Variants in PHF8 observed in about 807,000 individuals in gnomAD.
PHF8 encodes the protein histone lysine demethylase PHF8.
PHF8 carries 9 observed loss-of-function variants against 74.4 expected under a neutral mutation model. The ratio of observed to expected loss-of-function variants is 0.12; its 90% CI spans 0.07 to 0.21. PHF8 has a LOEUF of 0.21. PHF8 is among the 10% of genes least tolerant of loss of function. The pLI, the probability that PHF8 is intolerant of heterozygous loss-of-function variation, is 1.00. For synonymous variants in PHF8, 311 were observed against 316.6 expected, an observed-to-expected ratio of 0.98 and a Z score of 0.19; for missense variants, 478 against 816.6, an observed-to-expected ratio of 0.59 and a Z score of 5.05.
chrX:53,938,059 T>C lies in PHF8; in HGVS notation c.*1099A>G, dbSNP rs1557082302. 8.6e-7 allele frequency: 1 copy of C among 1,164,194 alleles called. No homozygotes were observed. ...ATTCTGCTTGAACGATGACCTGTCG[T>C]CTGGAAGTGCAAAGGCCCAGGAGTG... On this transcript the variant is annotated 3_prime_UTR_variant, in exon 22 of 22. Coordinates refer to ENST00000338154, the MANE Select transcript of PHF8 (RefSeq NM_015107.3).
intron 8 of PHF8, among the ~76,000 whole-genome samples, chrX:54,004,415 AAAAC>A (rs1371753036): frequency 9.0e-6 from 1 of 111,644 alleles, no homozygotes; most frequent in Non-Finnish European, 1.9e-5. Flanking sequence ...ATTGAAGAGA[AAAAC>A]AGACTTGTAA....
At chrX:54,017,997 C>T (rs140576659) in intron 4 of PHF8, among the ~76,000 whole-genome samples, 176 bp from the exon 5 acceptor site, 6,151 of 111,350 alleles carry the variant, frequency 0.055, 219 homozygotes, top group African/African-American at 0.12. Context: ...GGCAAGAGAC[C>T]AGGTCACTGG....
intron 19 of PHF8, among the ~76,000 whole-genome samples, chrX:53,957,781 C>A (rs1277448947): frequency 4.5e-5 from 5 of 111,622 alleles, no homozygotes; most frequent in Non-Finnish European, 9.4e-5. Flanking sequence ...CAGCACTCAG[C>A]ATGCCTGTCC....
At chrX:53,998,685 C>T (rs1479419762) in intron 11 of PHF8, among the ~76,000 whole-genome samples, 1 of 111,175 alleles carries the variant, frequency 9.0e-6, no homozygotes, top group Non-Finnish European at 1.9e-5. Context: ...GCACACTATA[C>T]ACACGGTTGT....
At chrX:54,022,961 T>A in intron 2 of PHF8, 118 bp from the exon 3 acceptor site, 1 of 485,671 alleles carries the variant, frequency 2.1e-6, no homozygotes, top group Non-Finnish European at 3.6e-6. Context: ...TTAAATCCAT[T>A]AAAATTAAAT....
At position 54,014,414 on chromosome X, in the gene PHF8, T is replaced by A; in HGVS notation, c.746A>T (p.Asp249Val). Reference protein sequence around the residue: ...VRDSYTDFHIDFGGTSVWYHV... With the variant: ...VRDSYTDFHIVFGGTSVWYHV... ...GTACCAGACAGAGGTGCCACCAAAG[T>A]CAATGTGAAAGTCTGTATAGCTATC... The change falls in exon 7 of 22, where the codon GAC (aspartate) becomes GTC (valine). Residue 249 changes from aspartate (D) to valine (V), a missense_variant. By Grantham distance (152) the Asp-to-Val change is radical (BLOSUM62 -3). Coordinates refer to ENST00000338154, the MANE Select transcript of PHF8 (RefSeq NM_015107.3). The A allele has an allele frequency of 8.3e-7, 1 of 1,209,559 alleles. No individual in the cohort carries two copies. The highest frequency in any genetic ancestry group is 1.1e-6 in the Non-Finnish European group (1 of 893,786).
rs782398848 is a variant in PHF8, at chrX:53,985,941, A to G, written c.2004T>C (p.Tyr668=). The part of the protein sequence containing the change: ...GEVEFDIEED[Y]TTDEDMVEGV... ...CTTCCACCATGTCCTCATCTGTTGT[A>G]TAGTCCTCCTGTTGGAGAGAGAGTG... The change falls in exon 17 of 22, where the codon TAT becomes TAC. Residue 668 remains tyrosine, a synonymous_variant. Transcript: ENST00000338154. The G allele has an allele frequency of 3.3e-6, 4 of 1,210,222 alleles. No individual in the cohort carries two copies. In the South Asian group the frequency reaches 7.0e-5, roughly 21 times the overall value.
intron 5 of PHF8, among the ~76,000 whole-genome samples, chrX:54,017,113 C>T (rs781952811): frequency 1.8e-5 from 2 of 112,709 alleles, no homozygotes; most frequent in African/African-American, 6.4e-5. Context: ...CTAGAACTTC[C>T]CAGGTAAAAA....
rs782278302 is a variant in PHF8 at position 54,022,359 on chromosome X, G to A, written c.193C>T (p.Arg65Cys). Residue 65 changes from arginine (R) to cysteine (C), a missense_variant, in exon 4 of 22, where the codon CGC becomes TGC. Physicochemically the swap from Arg to Cys is radical, Grantham distance 180 (BLOSUM62 -3). Coordinates refer to ENST00000338154, the MANE Select transcript of PHF8 (RefSeq NM_015107.3). ...VLHGPSIMKK[R>C]RGSSKGHDTH... ...TCATGCCCCTTTGAAGATCCACGGC[G>A]TTTTTTCACTAAGCCAGAAAAACAT... 3.4e-6 allele frequency: 4 copies of A among 1,179,017 alleles called. No individual in the cohort carries two copies. The highest frequency in any genetic ancestry group is 3.5e-5 in the African/African-American group (2 of 57,127).
intron 8 of PHF8, among the ~76,000 whole-genome samples, chrX:54,009,853 A>G (rs2065955078): frequency 1.3e-5 from 1 of 77,272 alleles, no homozygotes; most frequent in Non-Finnish European, 2.2e-5. Context: ...AGAAAAAAAA[A>G]AAAAAAAAAA....
intron 19 of PHF8, among the ~76,000 whole-genome samples, chrX:53,960,642 G>A (rs1047518906): frequency 1.9e-5 from 2 of 108,080 alleles, no homozygotes; most frequent in African/African-American, 6.7e-5. Flanking sequence ...CCAGCTACTT[G>A]GGAGGCTGAG....
chrX:53,977,236 G>T (rs1258121354), intron 18 of PHF8, among the ~76,000 whole-genome samples: 1 of 111,959 alleles, frequency 8.9e-6, no homozygotes, highest in Non-Finnish European at 1.9e-5. Context: ...TCAGGAGGCT[G>T]AGGCATGAGA....
intron 19 of PHF8, chrX:53,944,505 T>C (rs1557084548): frequency 8.6e-6 from 3 of 348,040 alleles, no homozygotes; most frequent in African/African-American, 2.6e-5. Context: ...TGATGGTTCA[T>C]GCCTGTAATC....
Position 54,034,162 on chromosome X carries a change from G to GA in PHF8, c.98+8468dup, listed in dbSNP as rs201460612. ...TGAACAACAGAAAGAAAACAGATTG[G>GA]AAAAAAAATGAACAGAGCCTCAGCA... On this transcript the variant is annotated intron_variant, in intron 2 of 21. Coordinates refer to ENST00000338154, the MANE Select transcript of PHF8 (RefSeq NM_015107.3). 5.3e-3 allele frequency among the ~76,000 whole-genome samples: 588 copies of GA among 110,714 alleles called. 5 individuals carry two copies. The highest frequency in any genetic ancestry group is 0.019 in the African/African-American group (565 of 30,524).
At chrX:53,966,238 G>A (rs369677256) in intron 18 of PHF8, among the ~76,000 whole-genome samples, 3 of 110,561 alleles carry the variant, frequency 2.7e-5, no homozygotes, top group South Asian at 3.8e-4. Context: ...CTCTCCCCAC[G>A]GTCTCCCTCT....
chrX:54,043,775 C>G lies in PHF8; in HGVS notation c.-106G>C. 2 of 740,180 alleles carry G rather than the reference C, an allele frequency of 2.7e-6. No homozygotes were observed. The highest frequency in any genetic ancestry group is 3.2e-6 in the Non-Finnish European group (2 of 627,728). The allele number at this position is 740,180 out of a possible 1,213,427, so 61.0% of individuals were successfully genotyped here. On this transcript the variant is annotated 5_prime_UTR_variant, in exon 1 of 22. Transcript: ENST00000338154. ...CCCAAAACTTACAGGAATCTTAACGCTTCCCCAACTGACAGGAACCTCCTC... is the reference window on the plus strand; with the variant it reads ...CCCAAAACTTACAGGAATCTTAACGGTTCCCCAACTGACAGGAACCTCCTC...
intron 19 of PHF8, among the ~76,000 whole-genome samples, chrX:53,952,879 C>T (rs782699099): frequency 1.1e-5 from 1 of 92,985 alleles, no homozygotes; most frequent in South Asian, 5.4e-4. Flanking sequence ...CACAGCGAGA[C>T]TCTGCCTCAA....
At chrX:54,040,143 A>G in intron 2 of PHF8, 1 of 112,277 alleles carries the variant, frequency 8.9e-6, no homozygotes, top group Admixed American at 9.5e-5. Context: ...TTGCATATAG[A>G]CTAAATAATT....
rs1557110388 is a variant in PHF8, at chrX:54,022,825, C to T, written c.117G>A (p.Glu39=). The part of the protein sequence containing the change: ...WFHGSCVGVE[E]EKAADIDLYH... ...AGAGGTCAATGTCAGCAGCCTTCTC[C>T]TCTTCAACACCAACACAACTGAAAA... Residue 39 remains glutamate, a synonymous_variant, in exon 3 of 22, where the codon GAG becomes GAA. Transcript: ENST00000338154. 1 of 1,193,643 alleles carries T rather than the reference C, an allele frequency of 8.4e-7. No homozygotes were observed. Among genetic ancestry groups the T allele is most frequent in the Non-Finnish European group, 1.1e-6 (1 of 879,308 alleles).
Sources: gnomAD v4.1 joint callset for allele counts (sites outside exome capture counted in the v4.1 genomes callset) on GRCh38, gnomAD v4.1.1 for gene constraint, MANE v1.5 for transcripts, NCBI Gene and HGNC (gene_info 2026-07-23, HGNC 2026-07-21) for gene names.